The following CNPY1 variants were observed in gnomAD, a reference collection of about 807,000 sequenced individuals.
CNPY1 encodes canopy FGF signaling regulator 1.
A neutral mutation model predicts 14.4 loss-of-function variants in CNPY1; 14 were observed. That is an observed-to-expected ratio of 0.97 (90% CI 0.64 to 1.52). The LOEUF (loss-of-function observed/expected upper bound fraction) is 1.52, where lower values mean the gene tolerates loss of function less well. Among genes scored for constraint, CNPY1 ranks in the 40% most tolerant of loss-of-function variants. The pLI is 0.00. For missense variants in CNPY1, 129 were observed against 131.5 expected (o/e 0.98, Z 0.09); for synonymous variants, 43 against 46.5 (o/e 0.92, Z 0.31).
intron 2 of CNPY1, among the ~76,000 whole-genome samples, chr7:155,532,983 G>A (rs768013407): frequency 6.6e-6 from 1 of 152,136 alleles, no homozygotes; most frequent in Non-Finnish European, 1.5e-5. Flanking sequence ...AAAACAAAAC[G>A]TGCTCATTTC....
intron 2 of CNPY1, among the ~76,000 whole-genome samples, chr7:155,541,976 G>A (rs1392063607): frequency 2.0e-5 from 3 of 148,332 alleles, no homozygotes; most frequent in South Asian, 2.2e-4. Flanking sequence ...GAGTGGAGGG[G>A]AAGTTCTACT....
At chr7:155,511,460 T>C (rs79996697) in intron 2 of CNPY1, among the ~76,000 whole-genome samples, 2,785 of 152,322 alleles carry the variant, frequency 0.018, 33 homozygotes, top group Non-Finnish European at 0.024. Flanking sequence ...ATTTCCTAGG[T>C]TGCACCTTTT....
chr7:155,517,593 C>G (rs554039100), intron 2 of CNPY1, among the ~76,000 whole-genome samples: 2 of 152,188 alleles, frequency 1.3e-5, no homozygotes, highest in African/African-American at 2.4e-5. Flanking sequence ...CCACCCCACA[C>G]GCCAAGCAAC....
At chr7:155,509,465 CAGAG>C (rs1053251441) in intron 2 of CNPY1, among the ~76,000 whole-genome samples, 4 of 151,672 alleles carry the variant, frequency 2.6e-5, no homozygotes, top group South Asian at 2.1e-4. Flanking sequence ...ACTTGTCAGA[CAGAG>C]AGAGGAGAGA....
intron 2 of CNPY1, among the ~76,000 whole-genome samples, chr7:155,514,134 C>T (rs1246149248): frequency 6.6e-6 from 1 of 152,208 alleles, no homozygotes; most frequent in Non-Finnish European, 1.5e-5. Flanking sequence ...GCAGAGGCAA[C>T]AATATTGCGG....
intron 2 of CNPY1, among the ~76,000 whole-genome samples, chr7:155,524,783 C>A (rs77585270): frequency 1.6e-4 from 24 of 148,946 alleles, no homozygotes; most frequent in Admixed American, 1.0e-3. Context: ...CCATCCCCCC[C>A]ACCCTCCCTG....
intron 2 of CNPY1, among the ~76,000 whole-genome samples, chr7:155,523,361 C>T (rs1258007378): frequency 6.6e-6 from 1 of 152,106 alleles, no homozygotes; most frequent in Non-Finnish European, 1.5e-5. Flanking sequence ...GTGGCGGGGG[C>T]AGGGAGTGGT....
chr7:155,527,062 T>TTCTTTCTTTCTTTCTTTCTTTCTTTC (rs1257674119), intron 2 of CNPY1, among the ~76,000 whole-genome samples: 8 of 16,382 alleles, frequency 4.9e-4, no homozygotes, highest in Admixed American at 3.6e-3. Context: ...TTCTTTTTTT[T>TTCTTTCTTTCTTTCTTTCTTTCTTTC]TTTTTTTTTG....
chr7:155,506,212 C>T (rs964826870), intron 4 of CNPY1, among the ~76,000 whole-genome samples: 4 of 152,108 alleles, frequency 2.6e-5, no homozygotes, highest in African/African-American at 9.7e-5. Context: ...TAAAAGTACC[C>T]CACTGGCTTT....
chr7:155,539,382 T>G (rs1797058734), intron 2 of CNPY1, among the ~76,000 whole-genome samples: 1 of 152,212 alleles, frequency 6.6e-6, no homozygotes, highest in Non-Finnish European at 1.5e-5. Flanking sequence ...ATATTTAATA[T>G]ATATTTCTAC....
intron 2 of CNPY1, among the ~76,000 whole-genome samples, chr7:155,544,293 T>C (rs1797134210): frequency 6.6e-6 from 1 of 152,072 alleles, no homozygotes; most frequent in Non-Finnish European, 1.5e-5. Context: ...GACTAGAAAA[T>C]CACTTAAAGG....
intron 2 of CNPY1, among the ~76,000 whole-genome samples, chr7:155,528,404 G>C (rs369850738): frequency 6.6e-6 from 1 of 152,224 alleles, no homozygotes; most frequent in Non-Finnish European, 1.5e-5. Context: ...GCCAGCTCTC[G>C]GTCATTGTCA....
At chr7:155,520,374 CT>C (rs1329561452) in intron 2 of CNPY1, among the ~76,000 whole-genome samples, 1 of 151,896 alleles carries the variant, frequency 6.6e-6, no homozygotes, top group East Asian at 1.9e-4. Context: ...TTCTTAGCGC[CT>C]GCTGGGAGTG....
At chr7:155,532,104 G>A (rs1318930946) in intron 2 of CNPY1, among the ~76,000 whole-genome samples, 1 of 152,266 alleles carries the variant, frequency 6.6e-6, no homozygotes, top group African/African-American at 2.4e-5. Flanking sequence ...TGTCTAGGAG[G>A]ATACTTCATA....
rs1160279225 is a variant in CNPY1 at position 155,502,054 on chromosome 7, G to A, written c.*1014C>T. On this transcript the variant is annotated 3_prime_UTR_variant, in exon 5 of 5. Coordinates refer to ENST00000636446, the MANE Select transcript of CNPY1 (RefSeq NM_001393663.1). ...CCACTTGATTGTCACCAAAGACAAT[G>A]AGAATCTCTTTTTAGAAACTGGTGT... 2.0e-5 allele frequency: 3 copies of A among 152,188 alleles called. No homozygotes were observed. Among genetic ancestry groups the A allele is most frequent in the Non-Finnish European group, 4.4e-5 (3 of 68,014 alleles). 9.4% of individuals were successfully genotyped at this position (152,188 alleles called of 1,614,324 possible).
intron 2 of CNPY1, among the ~76,000 whole-genome samples, chr7:155,543,729 C>T (rs1239877035): frequency 6.6e-6 from 1 of 152,194 alleles, no homozygotes; most frequent in Non-Finnish European, 1.5e-5. Context: ...GAGGAACCCA[C>T]CCGCGCGCCT....
At chr7:155,518,014 G>A (rs1272737222) in intron 2 of CNPY1, among the ~76,000 whole-genome samples, 1 of 152,154 alleles carries the variant, frequency 6.6e-6, no homozygotes, top group Non-Finnish European at 1.5e-5. Context: ...GAGGGACACC[G>A]TCCTGCATAT....
intron 2 of CNPY1, among the ~76,000 whole-genome samples, chr7:155,542,530 C>A (rs1161123435): frequency 6.6e-6 from 1 of 152,198 alleles, no homozygotes; most frequent in African/African-American, 2.4e-5. Context: ...CCACTGCACA[C>A]CCCTGGGGCT....
chr7:155,510,364 C>T (rs1796499454), intron 2 of CNPY1: 1 of 152,096 alleles, frequency 6.6e-6, no homozygotes, highest in Non-Finnish European at 1.5e-5. Flanking sequence ...ACCGGCGCCC[C>T]CCGTTTCAAT....
Sources: gnomAD v4.1 joint callset for allele counts (sites outside exome capture counted in the v4.1 genomes callset) on GRCh38, gnomAD v4.1.1 for gene constraint, MANE v1.5 for transcripts, NCBI Gene and HGNC (gene_info 2026-07-23, HGNC 2026-07-21) for gene names.